GRID1: variants seen among roughly 807,000 people sequenced by gnomAD.
GRID1 encodes the protein glutamate receptor ionotropic, delta-1.
A neutral mutation model predicts 98.0 loss-of-function variants in GRID1; 28 were observed. That is an observed-to-expected ratio of 0.29 (90% CI 0.21 to 0.39). The LOEUF is 0.39. GRID1 is among the 10% of genes least tolerant of loss of function. The pLI is 1.00. For missense variants in GRID1, 1,111 were observed against 1,340.5 expected, an observed-to-expected ratio of 0.83 and a Z score of 2.67; for synonymous variants, 553 against 538.5, an observed-to-expected ratio of 1.03 and a Z score of -0.37.
intron 4 of GRID1, among the ~76,000 whole-genome samples, chr10:86,005,679 C>T (rs566775130): frequency 4.6e-5 from 7 of 152,292 alleles, no homozygotes; most frequent in Non-Finnish European, 7.4e-5. Flanking sequence ...TGATGTCAGA[C>T]AACCATCGCC....
intron 4 of GRID1, among the ~76,000 whole-genome samples, chr10:85,976,483 T>G (rs1842474788): frequency 6.6e-6 from 1 of 152,178 alleles, no homozygotes; most frequent in Admixed American, 6.5e-5. Context: ...CTCCTTCAGG[T>G]GAGTAGAAGG....
intron 2 of GRID1, among the ~76,000 whole-genome samples, chr10:86,305,014 T>G (rs574578085): frequency 6.6e-6 from 1 of 152,060 alleles, no homozygotes; most frequent in Non-Finnish European, 1.5e-5. Context: ...ATGAAGGTAT[T>G]TTTCAGATGT....
intron 8 of GRID1, among the ~76,000 whole-genome samples, chr10:85,812,730 T>TTC (rs3028889): frequency 0.27 from 40,034 of 147,890 alleles, 5,678 homozygotes; most frequent in East Asian, 0.41. Context: ...CAAACAGAAG[T>TTC]TCTCTCTCTC....
intron 6 of GRID1, among the ~76,000 whole-genome samples, chr10:85,867,285 G>A (rs1456824698): frequency 6.6e-6 from 1 of 152,164 alleles, no homozygotes; most frequent in Non-Finnish European, 1.5e-5. Context: ...TGTTCTTCAA[G>A]GAGACTGAGT....
chr10:86,087,341 T>TTGTG lies in GRID1; in HGVS notation c.726+51474_726+51477dup, dbSNP rs10591518. On this transcript the variant is annotated intron_variant, in intron 4 of 15. Coordinates refer to ENST00000327946, the MANE Select transcript of GRID1 (RefSeq NM_017551.3). Reference sequence around the variant, plus strand: ...AATGTACATGTGGGTTTGAGTGTGTTTGTGTGTGTGTGTGTGTGTGTGTGT... The same window carrying TTGTG: ...AATGTACATGTGGGTTTGAGTGTGTTTGTGTGTGTGTGTGTGTGTGTGTGTGTGT... Among the ~76,000 whole-genome samples, 79 of 148,110 alleles carry TTGTG rather than the reference T, an allele frequency of 5.3e-4. 1 individual carries two copies. The highest frequency in any genetic ancestry group is 1.2e-3 in the African/African-American group (47 of 40,534).
At chr10:85,641,232 T>C (rs1843112637) in intron 13 of GRID1, among the ~76,000 whole-genome samples, 1 of 152,232 alleles carries the variant, frequency 6.6e-6, no homozygotes, top group Non-Finnish European at 1.5e-5. Flanking sequence ...TCAGCAATAT[T>C]AAAGTCTGAC....
intron 6 of GRID1, among the ~76,000 whole-genome samples, chr10:85,868,590 G>C (rs1843245341): frequency 6.6e-6 from 1 of 152,134 alleles, no homozygotes; most frequent in South Asian, 2.1e-4. Flanking sequence ...CAATGTGCTG[G>C]GATAGTCCCA....
At chr10:85,878,022 G>A (rs538327069) in intron 5 of GRID1, among the ~76,000 whole-genome samples, 28 of 152,330 alleles carry the variant, frequency 1.8e-4, no homozygotes, top group Non-Finnish European at 3.2e-4. Context: ...GGGTATCAGT[G>A]ATGGAAGACG....
At chr10:85,671,084 C>A (rs1411001275) in intron 12 of GRID1, among the ~76,000 whole-genome samples, 3 of 152,172 alleles carry the variant, frequency 2.0e-5, no homozygotes, top group South Asian at 2.1e-4. Flanking sequence ...ACTCTTTAAT[C>A]CTTTCTTTTC....
intron 4 of GRID1, among the ~76,000 whole-genome samples, chr10:85,979,074 C>T (rs1842510368): frequency 6.6e-6 from 1 of 152,104 alleles, no homozygotes; most frequent in Admixed American, 6.5e-5. Context: ...TAAAAGGGGC[C>T]TGTGAGCATA....
chr10:85,634,826 TA>T (rs1445481625), intron 13 of GRID1, among the ~76,000 whole-genome samples: 1 of 151,890 alleles, frequency 6.6e-6, no homozygotes, highest in African/African-American at 2.4e-5. Flanking sequence ...GATTTTAATG[TA>T]ATCAAATAAC....
chr10:86,250,970 A>T (rs1248054581), intron 2 of GRID1, among the ~76,000 whole-genome samples: 2 of 152,238 alleles, frequency 1.3e-5, no homozygotes. Flanking sequence ...AGAAGTAGAC[A>T]TAGGAGACTC....
chr10:85,768,884 T>C (rs1842225459), intron 8 of GRID1, among the ~76,000 whole-genome samples: 2 of 152,232 alleles, frequency 1.3e-5, no homozygotes, highest in South Asian at 2.1e-4. Context: ...AGTAATTATA[T>C]TTTTAGGTAT....
At chr10:85,808,739 T>C (rs1842643650) in intron 8 of GRID1, among the ~76,000 whole-genome samples, 1 of 152,186 alleles carries the variant, frequency 6.6e-6, no homozygotes, top group South Asian at 2.1e-4. Context: ...AAATGACTTT[T>C]AGTATAGCAT....
intron 3 of GRID1, among the ~76,000 whole-genome samples, chr10:86,144,039 T>G (rs977413358): frequency 6.6e-6 from 1 of 152,174 alleles, no homozygotes; most frequent in Admixed American, 6.5e-5. Flanking sequence ...TAGTACTCAC[T>G]GAGCACTCTG....
chr10:85,748,982 A>G (rs1842022576), intron 8 of GRID1, among the ~76,000 whole-genome samples: 1 of 152,186 alleles, frequency 6.6e-6, no homozygotes, highest in Admixed American at 6.5e-5. Context: ...GCCATCTGCT[A>G]GCCATGTTTA....
rs956847007 is a variant in GRID1 at position 85,602,155 on chromosome 10, G to C, written c.*118C>G. ...ACACATATGTACAAGAAAAATGAAA[G>C]AGTCTCTGTGTATGTGTGTGTGTGC... On this transcript the variant is annotated 3_prime_UTR_variant, in exon 16 of 16. Coordinates refer to ENST00000327946, the MANE Select transcript of GRID1 (RefSeq NM_017551.3). The C allele has an allele frequency of 8.7e-6, 5 of 571,592 alleles. No individual in the cohort carries two copies. In the African/African-American group the frequency reaches 9.5e-5, roughly 11 times the overall value. The allele number at this position is 571,592 out of a possible 1,614,324, so 35.4% of individuals were successfully genotyped here.
intron 12 of GRID1, among the ~76,000 whole-genome samples, chr10:85,672,047 C>A (rs1479488938): frequency 6.6e-6 from 1 of 152,180 alleles, no homozygotes; most frequent in Non-Finnish European, 1.5e-5. Context: ...CATAACAGTG[C>A]AAGGTGAAGC....
intron 4 of GRID1, among the ~76,000 whole-genome samples, chr10:85,968,220 G>A (rs1040632305): frequency 2.0e-5 from 3 of 151,980 alleles, no homozygotes; most frequent in African/African-American, 7.2e-5. Context: ...GGAGGCCGAG[G>A]CGGGTGGATC....
Sources: gnomAD v4.1 joint callset for allele counts (sites outside exome capture counted in the v4.1 genomes callset) on GRCh38, gnomAD v4.1.1 for gene constraint, MANE v1.5 for transcripts, NCBI Gene and HGNC (gene_info 2026-07-23, HGNC 2026-07-21) for gene names.